RING1: variants seen among roughly 807,000 people sequenced by gnomAD.
RING1 encodes ring finger protein 1.
Under a neutral mutation model 35.0 loss-of-function variants are expected in RING1, and 8 were observed. The ratio of observed to expected loss-of-function variants is 0.23; its 90% CI spans 0.13 to 0.41. RING1 has a LOEUF of 0.41. Ranked by LOEUF, RING1 falls within the 10% of genes least tolerant of loss-of-function variation. The pLI is 1.00. For missense variants in RING1, 343 were observed against 546.8 expected (o/e 0.63, Z 3.72); for synonymous variants, 214 against 224.3 (o/e 0.95, Z 0.41).
Position 33,208,617 on chromosome 6 carries a change from C to T in RING1, c.-86C>T. The T allele has an allele frequency of 7.5e-6, 4 of 529,840 alleles. No individual in the cohort carries two copies. The highest frequency in any genetic ancestry group is 3.9e-5 in the Admixed American group (1 of 25,558). 32.8% of individuals were successfully genotyped at this position (529,840 alleles called of 1,614,324 possible). On this transcript the variant is annotated 5_prime_UTR_variant, in exon 1 of 7. Coordinates refer to ENST00000374656, the MANE Select transcript of RING1 (RefSeq NM_002931.4). The surrounding 1 kb of genome is among the most constrained non-coding windows in gnomAD (Gnocchi z 6.2). ...CCGGGCCTAGGGAGAGGCGCGGCGG[C>T]GGCGGGAGCGCGAACGGCTGGAGCT...
chr6:33,208,698 T>A lies in RING1; in HGVS notation c.-59+54T>A. The A allele has an allele frequency of 1.3e-6, 1 of 761,278 alleles. No individual in the cohort carries two copies. Among genetic ancestry groups the A allele is most frequent in the South Asian group, 1.9e-5 (1 of 52,464 alleles). The allele number at this position is 761,278 out of a possible 1,614,324, so 47.2% of individuals were successfully genotyped here. A position where few individuals can be genotyped will look rare whatever the true frequency, so the allele number is the denominator to read the frequency against. On this transcript the variant is annotated intron_variant, in intron 1 of 6. Coordinates refer to ENST00000374656, the MANE Select transcript of RING1 (RefSeq NM_002931.4). This position sits in a 1 kb window ranked among gnomAD's most constrained non-coding sequence, Gnocchi z 6.2. ...GAGCGGGGGCGGAGAGGGGCGCTTCTGGAGGGGCGGGGTCTACGCGAGGGG... is the reference window on the plus strand; with the variant it reads ...GAGCGGGGGCGGAGAGGGGCGCTTCAGGAGGGGCGGGGTCTACGCGAGGGG...
chr6:33,212,025 G>A lies in RING1; in HGVS notation c.1119+23G>A, dbSNP rs1464693955. 8 of 1,495,758 alleles carry A rather than the reference G, an allele frequency of 5.3e-6. No homozygotes were observed. The African/African-American group carries it at 9.7e-5, about 18-fold the overall frequency. The allele number at this position is 1,495,758 out of a possible 1,614,324, so 92.7% of individuals were successfully genotyped here. A position where few individuals can be genotyped will look rare whatever the true frequency, so the allele number is the denominator to read the frequency against. On this transcript the variant is annotated intron_variant, in intron 6 of 6. Transcript: ENST00000374656. ...ACGGTGAGAGCTTCTGAGGGCAGTG[G>A]TAGAAGAGGGGAGAGGAGGGAGGGT...
Position 33,212,398 on chromosome 6 carries a change from G to A in RING1, c.1220G>A (p.Ter407=). ...TATGCTCCCACCAAGGATCCAAAGT[G>A]ACCCCACCAGGGGACAGCCAGAGGA... The part of the protein sequence containing the change: ...LCYAPTKDPK[*] The change falls in exon 7 of 7, where the codon TGA becomes TAA. Residue 407 remains the stop codon, a stop_retained_variant. Coordinates refer to ENST00000374656, the MANE Select transcript of RING1 (RefSeq NM_002931.4). The A allele has an allele frequency of 6.3e-7, 1 of 1,578,438 alleles. No homozygotes were observed. Among genetic ancestry groups the A allele is most frequent in the Non-Finnish European group, 8.6e-7 (1 of 1,160,422 alleles).
Position 33,209,337 on chromosome 6 carries a change from A to G in RING1, c.79-289A>G, listed in dbSNP as rs1488594059. The stretch of plus-strand genomic sequence containing the variant: ...CCAGGACTTTAAAAAATTTTGTTGA[A>G]TAGTTTTTCCCAACCACAGATTTGT... On this transcript the variant is annotated intron_variant, in intron 2 of 6. Coordinates refer to ENST00000374656, the MANE Select transcript of RING1 (RefSeq NM_002931.4). The surrounding 1 kb of genome is among the most constrained non-coding windows in gnomAD (Gnocchi z 5.1). Among the ~76,000 whole-genome samples the G allele has an allele frequency of 6.6e-6, 1 of 152,162 alleles. No homozygotes were observed. The highest frequency in any genetic ancestry group is 1.5e-5 in the Non-Finnish European group (1 of 68,018).
chr6:33,210,290 T>A (rs901905053), intron 4 of RING1, among the ~76,000 whole-genome samples, 160 bp downstream of exon 4: 3 of 152,164 alleles, frequency 2.0e-5, no homozygotes, highest in Non-Finnish European at 4.4e-5. Context: ...AGTAAACAAC[T>A]GGCCCTGCTC....
rs919887254 is a variant in RING1 at position 33,211,081 on chromosome 6, T to C, written c.456-77T>C. On this transcript the variant is annotated intron_variant, in intron 4 of 6. Coordinates refer to ENST00000374656, the MANE Select transcript of RING1 (RefSeq NM_002931.4). The surrounding 1 kb of genome is among the most constrained non-coding windows in gnomAD (Gnocchi z 6.3). ...GGTATCGTCATTAGGATTTTTCTTA[T>C]CTCTTAATTCTCTGAAGTTTAAAGT... 1.2e-4 allele frequency: 171 copies of C among 1,452,544 alleles called. No individual in the cohort carries two copies. The highest frequency in any genetic ancestry group is 1.4e-4 in the Non-Finnish European group (152 of 1,084,920). The allele number at this position is 1,452,544 out of a possible 1,614,324, so 90.0% of individuals were successfully genotyped here.
In RING1 at chr6:33,211,825, G is replaced by A. The variant is rs1222501543; in HGVS notation, c.942G>A (p.Gly314=). ...AGCGGAGGCAACAGCAGGAAGCAGG[G>A]GAGCCAGGAGGGCCTGGAGGGGGCG... The part of the protein sequence containing the change: ...ALERRQQQEA[G]EPGGPGGGAS... The change falls in exon 6 of 7, where the codon GGG becomes GGA. Residue 314 remains glycine, a synonymous_variant. Coordinates refer to ENST00000374656, the MANE Select transcript of RING1 (RefSeq NM_002931.4). The surrounding 1 kb of genome is among the most constrained non-coding windows in gnomAD (Gnocchi z 6.3). 15 of 1,610,738 alleles carry A rather than the reference G, an allele frequency of 9.3e-6. No individual in the cohort carries two copies. The highest frequency in any genetic ancestry group is 1.1e-5 in the Non-Finnish European group (13 of 1,178,460).
chr6:33,211,376 G>A lies in RING1; in HGVS notation c.674G>A (p.Gly225Glu). 1 of 1,560,946 alleles carries A rather than the reference G, an allele frequency of 6.4e-7. No homozygotes were observed. Among genetic ancestry groups the A allele is most frequent in the Non-Finnish European group, 8.7e-7 (1 of 1,152,646 alleles). The change falls in exon 5 of 7, where the codon GGG becomes GAG. Residue 225 changes from glycine to glutamate, a missense_variant. By Grantham distance (98) the Gly-to-Glu change is moderately conservative. Coordinates refer to ENST00000374656, the MANE Select transcript of RING1 (RefSeq NM_002931.4). This position sits in a 1 kb window ranked among gnomAD's most constrained non-coding sequence, Gnocchi z 6.3. Reference protein sequence around the residue: ...TGGGGTGGVGGGAGSEDSGDR... With the variant: ...TGGGGTGGVGEGAGSEDSGDR... Reference sequence around the variant, plus strand: ...GGAGGCGGCACTGGTGGGGTGGGTGGGGGTGCCGGTTCGGAAGACTCTGGT... The same window carrying A: ...GGAGGCGGCACTGGTGGGGTGGGTGAGGGTGCCGGTTCGGAAGACTCTGGT...
rs748658587 is a variant in RING1 at position 33,211,322 on chromosome 6, G to A, written c.620G>A (p.Gly207Asp). ...GPAPKRPRGG[G>D]AGGSSVGTGG... ...GCTCCCAAGCGACCCCGTGGAGGGG[G>A]CGCAGGGGGGAGCAGTGTAGGGACA... The change falls in exon 5 of 7, where the codon GGC becomes GAC. Residue 207 changes from glycine to aspartate, a missense_variant. Physicochemically the swap from Gly to Asp is moderately conservative, Grantham distance 94. Transcript: ENST00000374656. The surrounding 1 kb of genome is among the most constrained non-coding windows in gnomAD (Gnocchi z 6.3). 14 of 1,610,414 alleles carry A rather than the reference G, an allele frequency of 8.7e-6. No homozygotes were observed. The highest frequency in any genetic ancestry group is 1.2e-5 in the Non-Finnish European group (14 of 1,178,806).
At chr6:33,210,855 G>A (rs371290873) in intron 4 of RING1, among the ~76,000 whole-genome samples, 3 of 152,116 alleles carry the variant, frequency 2.0e-5, no homozygotes, top group Non-Finnish European at 4.4e-5. Context: ...CAGGGGATGT[G>A]TATGCTGCTA....
Position 33,209,388 on chromosome 6 carries a change from G to GC in RING1, c.79-236dup, listed in dbSNP as rs1383722578. Among the ~76,000 whole-genome samples, 3 of 152,142 alleles carry GC rather than the reference G, an allele frequency of 2.0e-5. No individual in the cohort carries two copies. Among genetic ancestry groups the GC allele is most frequent in the Non-Finnish European group, 2.9e-5 (2 of 68,016 alleles). ...GCCATCTTCACTCCTAGGCCACTTA[G>GC]CCACCTCAGATCCTCCTATTCCAAA... On this transcript the variant is annotated intron_variant, in intron 2 of 6. Transcript: ENST00000374656. The surrounding 1 kb of genome is among the most constrained non-coding windows in gnomAD (Gnocchi z 5.1).
rs1775555809 is a variant in RING1 at position 33,211,823 on chromosome 6, G to A, written c.940G>A (p.Gly314Arg). The A allele has an allele frequency of 6.2e-7, 1 of 1,610,882 alleles. No homozygotes were observed. The highest frequency in any genetic ancestry group is 1.1e-5 in the South Asian group (1 of 90,722). The change falls in exon 6 of 7, where the codon GGG becomes AGG. Residue 314 changes from glycine (G) to arginine (R), a missense_variant. Physicochemically the swap from Gly to Arg is moderately radical, Grantham distance 125. Transcript: ENST00000374656. The surrounding 1 kb of genome is among the most constrained non-coding windows in gnomAD (Gnocchi z 6.3). ...ALERRQQQEAGEPGGPGGGAS... is the reference protein window; with the variant it reads ...ALERRQQQEAREPGGPGGGAS... ...CGAGCGGAGGCAACAGCAGGAAGCA[G>A]GGGAGCCAGGAGGGCCTGGAGGGGG... is the stretch of plus-strand genomic sequence containing the variant.
chr6:33,209,223 G>A lies in RING1; in HGVS notation c.78+323G>A. On this transcript the variant is annotated intron_variant, in intron 2 of 6. Transcript: ENST00000374656. The surrounding 1 kb of genome is among the most constrained non-coding windows in gnomAD (Gnocchi z 5.1). ...GAGTTTATTAAAAGCAGAGCTTCATGCCCCCCAACATTCTGATTCAGTAGT... is the reference window on the plus strand; with the variant it reads ...GAGTTTATTAAAAGCAGAGCTTCATACCCCCCAACATTCTGATTCAGTAGT... The A allele has an allele frequency of 1.7e-6, 1 of 597,518 alleles. No individual in the cohort carries two copies. Among genetic ancestry groups the A allele is most frequent in the Non-Finnish European group, 3.0e-6 (1 of 328,482 alleles). The allele number at this position is 597,518 out of a possible 1,614,324, so 37.0% of individuals were successfully genotyped here.
Position 33,211,013 on chromosome 6 carries a change from T to C in RING1, c.456-145T>C, listed in dbSNP as rs1775487127. On this transcript the variant is annotated intron_variant, in intron 4 of 6. Transcript: ENST00000374656. This position sits in a 1 kb window ranked among gnomAD's most constrained non-coding sequence, Gnocchi z 6.3. Reference sequence around the variant, plus strand: ...AGGTAAGGGGATTGGTGCAAAACACTTAGTATACTGAGTGCTTAGCACATT... The same window carrying C: ...AGGTAAGGGGATTGGTGCAAAACACCTAGTATACTGAGTGCTTAGCACATT... 2 of 868,784 alleles carry C rather than the reference T, an allele frequency of 2.3e-6. No individual in the cohort carries two copies. The highest frequency in any genetic ancestry group is 2.5e-5 in the Admixed American group (1 of 40,022). The allele number at this position is 868,784 out of a possible 1,614,324, so 53.8% of individuals were successfully genotyped here. A position where few individuals can be genotyped will look rare whatever the true frequency, so the allele number is the denominator to read the frequency against.
chr6:33,212,205 C>A, intron 6 of RING1, 93 bp from the exon 7 acceptor site: 1 of 995,304 alleles, frequency 1.0e-6, no homozygotes, highest in Non-Finnish European at 1.5e-6. Context: ...TTCCTCCTCC[C>A]TTGGTCACCT....
Position 33,211,604 on chromosome 6 carries a change from A to C in RING1, c.845+57A>C. The C allele has an allele frequency of 6.3e-7, 1 of 1,585,774 alleles. No homozygotes were observed. On this transcript the variant is annotated intron_variant, in intron 5 of 6. Transcript: ENST00000374656. The surrounding 1 kb of genome is among the most constrained non-coding windows in gnomAD (Gnocchi z 6.3). ...GAAACCAAAGATCACCTAGATTTCCATCAGAAGTGGGCTTTGCCCAAACCC... is the reference window on the plus strand; with the variant it reads ...GAAACCAAAGATCACCTAGATTTCCCTCAGAAGTGGGCTTTGCCCAAACCC...
chr6:33,208,810 G>C lies in RING1; in HGVS notation c.-13G>C. 1 of 1,595,812 alleles carries C rather than the reference G, an allele frequency of 6.3e-7. No individual in the cohort carries two copies. Among genetic ancestry groups the C allele is most frequent in the Non-Finnish European group, 8.6e-7 (1 of 1,168,984 alleles). ...GCTGTGGAGCCCTGGTGGGGGGTCT[G>C]CGCCCGGTCACCATGACGACGCCGG... On this transcript the variant is annotated 5_prime_UTR_variant, in exon 2 of 7. Transcript: ENST00000374656. This position sits in a 1 kb window ranked among gnomAD's most constrained non-coding sequence, Gnocchi z 6.2.
In RING1 at chr6:33,212,474, G is replaced by A. The variant is rs1583460882; in HGVS notation, c.*75G>A. ...CCTGGTCTATCACCCCAGCTTCTTT[G>A]TCCCCCAGTACCCCCAGCCCAGCCA... On this transcript the variant is annotated 3_prime_UTR_variant, in exon 7 of 7. Transcript: ENST00000374656. 1 of 980,082 alleles carries A rather than the reference G, an allele frequency of 1.0e-6. No individual in the cohort carries two copies. The highest frequency in any genetic ancestry group is 1.4e-5 in the South Asian group (1 of 70,920). The allele number at this position is 980,082 out of a possible 1,614,324, so 60.7% of individuals were successfully genotyped here. A position where few individuals can be genotyped will look rare whatever the true frequency, so the allele number is the denominator to read the frequency against.
rs1241691469 is a variant in RING1, at chr6:33,209,892, G to A, written c.240-23G>A. ...TTCAGTTCCCTTGACTGACCACTCA[G>A]GGCTTCCCTTCTCCTACCCCAGGAA... On this transcript the variant is annotated intron_variant, in intron 3 of 6. Coordinates refer to ENST00000374656, the MANE Select transcript of RING1 (RefSeq NM_002931.4). The surrounding 1 kb of genome is among the most constrained non-coding windows in gnomAD (Gnocchi z 5.1). 2.5e-6 allele frequency: 4 copies of A among 1,613,426 alleles called. No homozygotes were observed. The highest frequency in any genetic ancestry group is 3.4e-6 in the Non-Finnish European group (4 of 1,179,618).
Sources: gnomAD v4.1 joint callset for allele counts (sites outside exome capture counted in the v4.1 genomes callset) on GRCh38, gnomAD v4.1.1 for gene constraint, Gnocchi (gnomAD v3.1) non-coding constraint, MANE v1.5 for transcripts, NCBI Gene and HGNC (gene_info 2026-07-23, HGNC 2026-07-21) for gene names.